The following FAM83F variants were observed in gnomAD, a reference collection of about 807,000 sequenced individuals.
The protein encoded by FAM83F is protein FAM83F.
A neutral mutation model predicts 42.9 loss-of-function variants in FAM83F; 45 were observed. That is an observed-to-expected ratio of 1.05 (90% confidence interval 0.83 to 1.35). FAM83F has a LOEUF of 1.35. FAM83F is among the 40% of genes most tolerant of loss of function. The pLI, the probability that FAM83F is intolerant of heterozygous loss-of-function variation, is 0.00. For missense variants in FAM83F, 617 were observed against 695.9 expected (o/e 0.89, Z 1.28); for synonymous variants, 306 against 298.3 (o/e 1.03, Z -0.27).
chr22:40,020,280 G>A (rs2067512577), intron 3 of FAM83F, among the ~76,000 whole-genome samples: 1 of 151,974 alleles, frequency 6.6e-6, no homozygotes, highest in South Asian at 2.1e-4. Context: ...TAGTCATTAG[G>A]TAGGACAAGC....
Position 40,029,764 on chromosome 22 carries a change from G to T in FAM83F, c.*199G>T, listed in dbSNP as rs187530604. The stretch of plus-strand genomic sequence containing the variant: ...GCATCTCAGTCACACGCCTCCACCG[G>T]ACTGTCGGTGGCTGGGCAGGGGTCA... On this transcript the variant is annotated 3_prime_UTR_variant, in exon 5 of 5. Transcript: ENST00000333407. The T allele has an allele frequency of 2.8e-6, 2 of 721,278 alleles. No homozygotes were observed. Among genetic ancestry groups the T allele is most frequent in the African/African-American group, 1.8e-5 (1 of 55,894 alleles). 44.7% of individuals were successfully genotyped at this position (721,278 alleles called of 1,614,324 possible).
At chr22:39,998,684 G>A (rs1394576008) in intron 1 of FAM83F, 8 of 152,176 alleles carry the variant, frequency 5.3e-5, no homozygotes, top group Non-Finnish European at 7.3e-5. Context: ...TTTACTTGTG[G>A]GGCGGGGTTT....
rs1201850605 is a variant in FAM83F at position 40,039,752 on chromosome 22, T to C, written c.*10187T>C. 6.6e-6 allele frequency: 1 copy of C among 152,014 alleles called. No homozygotes were observed. The highest frequency in any genetic ancestry group is 1.5e-5 in the Non-Finnish European group (1 of 68,010). 9.4% of individuals were successfully genotyped at this position (152,014 alleles called of 1,614,324 possible). Reference sequence around the variant, plus strand: ...AAAAGAGCATGAACAGTTGTAGAGGTAGGAGGAAAGCTGGCTATTTGGGGA... The same window carrying C: ...AAAAGAGCATGAACAGTTGTAGAGGCAGGAGGAAAGCTGGCTATTTGGGGA... On this transcript the variant is annotated 3_prime_UTR_variant, in exon 5 of 5. Transcript: ENST00000333407.
chr22:40,021,159 C>T lies in FAM83F; in HGVS notation c.780-131C>T, dbSNP rs979162412. On this transcript the variant is annotated intron_variant, in intron 3 of 4. Coordinates refer to ENST00000333407, the MANE Select transcript of FAM83F (RefSeq NM_138435.4). This position sits in a 1 kb window ranked among gnomAD's most constrained non-coding sequence, Gnocchi z 8.7. ...GGGTGGGTGGAGGGAATCAGTCCAG[C>T]GTGTGGCCCACAAGGAGCCGTACAC... 4.2e-5 allele frequency: 45 copies of T among 1,065,328 alleles called. No individual in the cohort carries two copies. The highest frequency in any genetic ancestry group is 6.9e-5 in the South Asian group (3 of 43,334). The allele number at this position is 1,065,328 out of a possible 1,614,324, so 66.0% of individuals were successfully genotyped here.
At chr22:40,001,253 C>T (rs1166585160) in intron 1 of FAM83F, among the ~76,000 whole-genome samples, 2 of 152,150 alleles carry the variant, frequency 1.3e-5, no homozygotes, top group African/African-American at 4.8e-5. Context: ...CATCTGACCA[C>T]TTACTCACTG....
chr22:40,012,423 C>A (rs1451026406), intron 1 of FAM83F, among the ~76,000 whole-genome samples: 1 of 152,152 alleles, frequency 6.6e-6, no homozygotes, highest in Admixed American at 6.5e-5. Flanking sequence ...GCGTGAGCCA[C>A]TGCACCCAGC....
rs144977613 is a variant in FAM83F, at chr22:40,014,514, T to C, written c.490-4654T>C. On this transcript the variant is annotated intron_variant, in intron 1 of 4. Transcript: ENST00000333407. Reference sequence around the variant, plus strand: ...AAACTTTACTTGCTTATGGTATATTTTGAGTTCACTTTTTTAAGTGAACTC... The same window carrying C: ...AAACTTTACTTGCTTATGGTATATTCTGAGTTCACTTTTTTAAGTGAACTC... 4.6e-5 allele frequency among the ~76,000 whole-genome samples: 7 copies of C among 152,372 alleles called. No homozygotes were observed. The East Asian group carries it at 1.3e-3, about 29-fold the overall frequency.
rs2067518098 is a variant in FAM83F at position 40,021,226 on chromosome 22, C to T, written c.780-64C>T. On this transcript the variant is annotated intron_variant, in intron 3 of 4. Coordinates refer to ENST00000333407, the MANE Select transcript of FAM83F (RefSeq NM_138435.4). This position sits in a 1 kb window ranked among gnomAD's most constrained non-coding sequence, Gnocchi z 8.7. ...GCCACAGCGGAGGGGCAGGTGGGGG[C>T]GGGGGCAGGGCAAGAGAGAGGCCTG... is the stretch of plus-strand genomic sequence containing the variant. The T allele has an allele frequency of 2.9e-5, 42 of 1,453,112 alleles. No homozygotes were observed. Among genetic ancestry groups the T allele is most frequent in the South Asian group, 4.4e-5 (3 of 67,490 alleles). The allele number at this position is 1,453,112 out of a possible 1,614,324, so 90.0% of individuals were successfully genotyped here.
rs931894532 is a variant in FAM83F at position 40,030,492 on chromosome 22, C to A, written c.*927C>A. On this transcript the variant is annotated 3_prime_UTR_variant, in exon 5 of 5. Coordinates refer to ENST00000333407, the MANE Select transcript of FAM83F (RefSeq NM_138435.4). The stretch of plus-strand genomic sequence containing the variant: ...TTTGCCTTTTCTCCCTCAACTCTAA[C>A]GGGGTCCTCGGACCCCTTCACCAAC... 1 of 152,226 alleles carries A rather than the reference C, an allele frequency of 6.6e-6. No homozygotes were observed. Among genetic ancestry groups the A allele is most frequent in the Non-Finnish European group, 1.5e-5 (1 of 68,098 alleles). The allele number at this position is 152,226 out of a possible 1,614,324, so 9.4% of individuals were successfully genotyped here.
At position 40,033,937 on chromosome 22, in the gene FAM83F, C is replaced by G. The variant is rs2067605264; in HGVS notation, c.*4372C>G. 1 of 152,436 alleles carries G rather than the reference C, an allele frequency of 6.6e-6. No individual in the cohort carries two copies. The highest frequency in any genetic ancestry group is 6.5e-5 in the Admixed American group (1 of 15,300). The allele number at this position is 152,436 out of a possible 1,614,324, so 9.4% of individuals were successfully genotyped here. A position where few individuals can be genotyped will look rare whatever the true frequency, so the allele number is the denominator to read the frequency against. ...GGTGTGTTTATGTACACACATCTGC[C>G]TCACTCCACTCAGCTCCCTGTCAGG... On this transcript the variant is annotated 3_prime_UTR_variant, in exon 5 of 5. Coordinates refer to ENST00000333407, the MANE Select transcript of FAM83F (RefSeq NM_138435.4).
In FAM83F at chr22:40,031,865, A is replaced by T. The variant is rs991654469; in HGVS notation, c.*2300A>T. The T allele has an allele frequency of 6.6e-6, 1 of 152,214 alleles. No individual in the cohort carries two copies. Among genetic ancestry groups the T allele is most frequent in the African/African-American group, 2.4e-5 (1 of 41,430 alleles). 9.4% of individuals were successfully genotyped at this position (152,214 alleles called of 1,614,324 possible). On this transcript the variant is annotated 3_prime_UTR_variant, in exon 5 of 5. Coordinates refer to ENST00000333407, the MANE Select transcript of FAM83F (RefSeq NM_138435.4). ...ATGGCAAGGATTTTGAACTCACAAAATGCAGCTCTTCATGTTTGCCTGTCT... is the reference window on the plus strand; with the variant it reads ...ATGGCAAGGATTTTGAACTCACAAATTGCAGCTCTTCATGTTTGCCTGTCT...
Position 40,034,403 on chromosome 22 carries a change from T to C in FAM83F, c.*4838T>C, listed in dbSNP as rs1404070097. ...AGAAGGGCAGGCACAGCCGTGAGTA[T>C]GTTCTGGGGCTAAGTAACCATGAGA... is the stretch of plus-strand genomic sequence containing the variant. On this transcript the variant is annotated 3_prime_UTR_variant, in exon 5 of 5. Coordinates refer to ENST00000333407, the MANE Select transcript of FAM83F (RefSeq NM_138435.4). 1 of 152,334 alleles carries C rather than the reference T, an allele frequency of 6.6e-6. No homozygotes were observed. The highest frequency in any genetic ancestry group is 1.9e-4 in the East Asian group (1 of 5,202). 9.4% of individuals were successfully genotyped at this position (152,334 alleles called of 1,614,324 possible).
Position 40,019,236 on chromosome 22 carries a change from T to A in FAM83F, c.558T>A (p.Cys186Ter), listed in dbSNP as rs779305628. The change falls in exon 2 of 5, where the codon TGT becomes TGA. Residue 186 changes from cysteine (C) to a stop codon, truncating the protein, a stop_gained. Transcript: ENST00000333407. LOFTEE classifies it high-confidence loss of function. ...DIFQDIVDAA[C>*]KRRVPVYIIL... is the part of the protein sequence containing the mutation. ...TTCAAGACATTGTGGATGCTGCCTG[T>A]AAGCGCCGGGTCCCAGTGTACATCA... 2.5e-6 allele frequency: 4 copies of A among 1,614,172 alleles called. No individual in the cohort carries two copies. Among genetic ancestry groups the A allele is most frequent in the Non-Finnish European group, 3.4e-6 (4 of 1,180,018 alleles).
Position 40,030,734 on chromosome 22 carries a change from T to C in FAM83F, c.*1169T>C, listed in dbSNP as rs1179835532. The C allele has an allele frequency of 4.6e-5, 7 of 152,282 alleles. No homozygotes were observed. The highest frequency in any genetic ancestry group is 5.9e-5 in the Non-Finnish European group (4 of 68,120). The allele number at this position is 152,282 out of a possible 1,614,324, so 9.4% of individuals were successfully genotyped here. On this transcript the variant is annotated 3_prime_UTR_variant, in exon 5 of 5. Transcript: ENST00000333407. ...ATGGACCTGGGAGAAATTGCCAAACTGCAGACTCTGTGAGCCGGCCCTGCC... is the reference window on the plus strand; with the variant it reads ...ATGGACCTGGGAGAAATTGCCAAACCGCAGACTCTGTGAGCCGGCCCTGCC...
In FAM83F at chr22:40,042,435, A is replaced by C. The variant is rs888985908; in HGVS notation, c.*12870A>C. On this transcript the variant is annotated 3_prime_UTR_variant, in exon 5 of 5. Transcript: ENST00000333407. ...CACATCACCAGTCTCTTGCCTAGCTAACCGTAACTCATTCTTTAGTTCTCC... is the reference window on the plus strand; with the variant it reads ...CACATCACCAGTCTCTTGCCTAGCTCACCGTAACTCATTCTTTAGTTCTCC... 1 of 152,196 alleles carries C rather than the reference A, an allele frequency of 6.6e-6. No homozygotes were observed. Among genetic ancestry groups the C allele is most frequent in the Admixed American group, 6.5e-5 (1 of 15,274 alleles). 9.4% of individuals were successfully genotyped at this position (152,196 alleles called of 1,614,324 possible). A position where few individuals can be genotyped will look rare whatever the true frequency, so the allele number is the denominator to read the frequency against.
Position 40,043,272 on chromosome 22 carries a change from A to C in FAM83F, c.*13707A>C, listed in dbSNP as rs1346109431. On this transcript the variant is annotated 3_prime_UTR_variant, in exon 5 of 5. Transcript: ENST00000333407. ...GGGACGGTAAAATGTTAATTACCCA[A>C]GATGGAATGTGGGCTAGAGTCCAGC... is the stretch of plus-strand genomic sequence containing the variant. 6.6e-6 allele frequency: 1 copy of C among 152,244 alleles called. No homozygotes were observed. The highest frequency in any genetic ancestry group is 1.5e-5 in the Non-Finnish European group (1 of 68,054). The allele number at this position is 152,244 out of a possible 1,614,324, so 9.4% of individuals were successfully genotyped here.
rs1476074903 is a variant in FAM83F at position 40,019,151 on chromosome 22, T to C, written c.490-17T>C. The C allele has an allele frequency of 2.9e-5, 47 of 1,612,804 alleles. No individual in the cohort carries two copies. Among genetic ancestry groups the C allele is most frequent in the Non-Finnish European group, 3.9e-5 (46 of 1,179,582 alleles). On this transcript the variant is annotated splice_polypyrimidine_tract_variant and intron_variant, in intron 1 of 4. Coordinates refer to ENST00000333407, the MANE Select transcript of FAM83F (RefSeq NM_138435.4). ...GTGTAGACACCGTGTGCCTCACCAG[T>C]GCCTTTCCCCACCCAGGTCATTGCT... is the stretch of plus-strand genomic sequence containing the variant.
intron 1 of FAM83F, chr22:39,998,961 TA>T (rs1288653699): frequency 2.0e-5 from 3 of 152,164 alleles, no homozygotes; most frequent in Non-Finnish European, 4.4e-5. Context: ...TCTTGGTTCT[TA>T]TTTGCAAAGC....
intron 4 of FAM83F, among the ~76,000 whole-genome samples, chr22:40,024,045 G>A (rs1220700003): frequency 6.6e-6 from 1 of 152,122 alleles, no homozygotes; most frequent in African/African-American, 2.4e-5. Context: ...ACAATGTCTC[G>A]CTGGAGTGCA....
Sources: allele counts gnomAD v4.1 joint callset (sites outside exome capture counted in the v4.1 genomes callset), GRCh38; gene constraint gnomAD v4.1.1; non-coding constraint Gnocchi (gnomAD v3.1); transcripts MANE v1.5; gene names NCBI Gene and HGNC (gene_info 2026-07-23, HGNC 2026-07-21).